Variants in PIK3IP1 observed in about 807,000 individuals in gnomAD.
PIK3IP1 encodes the protein phosphoinositide-3-kinase interacting protein 1, also known as phosphoinositide-3-kinase-interacting protein 1.
In PIK3IP1, 28 loss-of-function variants were observed where a neutral mutation model predicts 30.7. The observed-to-expected ratio is 0.91, with a 90% CI of 0.68 to 1.25. PIK3IP1 has a LOEUF of 1.25. PIK3IP1 is among the 50% of genes most tolerant of loss of function. PIK3IP1 has a pLI of 0.00. For synonymous variants in PIK3IP1, 159 were observed against 140.8 expected (o/e 1.13, Z -0.91); for missense variants, 333 against 346.2 (o/e 0.96, Z 0.30).
intron 1 of PIK3IP1, among the ~76,000 whole-genome samples, chr22:31,291,780 C>T (rs532187821): frequency 1.6e-5 from 2 of 124,832 alleles, no homozygotes; most frequent in Non-Finnish European, 3.3e-5. Flanking sequence ...TTCACGGATA[C>T]GGCCACCTTC....
chr22:31,287,946 C>T (rs141123221), intron 5 of PIK3IP1, among the ~76,000 whole-genome samples: 124 of 152,206 alleles, frequency 8.1e-4, no homozygotes, highest in Admixed American at 1.7e-3. Flanking sequence ...GCATACGGTA[C>T]ATGTTTGCTA....
rs548629028 is a variant in PIK3IP1 at position 31,290,730 on chromosome 22, C to T, written c.307+235G>A. Reference sequence around the variant, plus strand: ...CGCGGCGGAGAGACCTAGCCTCACCCCAGCCTCGCCCCGCGCAGTTGTTTA... The same window carrying T: ...CGCGGCGGAGAGACCTAGCCTCACCTCAGCCTCGCCCCGCGCAGTTGTTTA... On this transcript the variant is annotated intron_variant, in intron 3 of 5. Transcript: ENST00000215912. 45 of 551,720 alleles carry T rather than the reference C, an allele frequency of 8.2e-5. No individual in the cohort carries two copies. In the East Asian group the frequency reaches 1.6e-3, roughly 19 times the overall value. The allele number at this position is 551,720 out of a possible 1,614,324, so 34.2% of individuals were successfully genotyped here.
At chr22:31,290,683 C>T (rs1197242295) in intron 3 of PIK3IP1, 35 of 407,282 alleles carry the variant, frequency 8.6e-5, no homozygotes, top group Non-Finnish European at 1.3e-4. Context: ...CGCTGAGGGG[C>T]CAAAAGCCAC....
In PIK3IP1 at chr22:31,291,047, C is replaced by T; in HGVS notation, c.225G>A (p.Glu75=). The T allele has an allele frequency of 1.3e-6, 2 of 1,570,322 alleles. No individual in the cohort carries two copies. The highest frequency in any genetic ancestry group is 8.6e-7 in the Non-Finnish European group (1 of 1,156,702). ...CGTAGCACCAGGGCCCGCGCGGGTC[C>T]TCGTCCGGGTTTCGGCAGTAACTGT... ...GNHSYCRNPD[E]DPRGPWCYVS... The change falls in exon 3 of 6, where the codon GAG becomes GAA. Residue 75 remains glutamate, a synonymous_variant. Transcript: ENST00000215912.
In PIK3IP1 at chr22:31,283,163, A is replaced by G; in HGVS notation, c.713T>C (p.Val238Ala). 1 of 1,614,156 alleles carries G rather than the reference A, an allele frequency of 6.2e-7. No homozygotes were observed. The highest frequency in any genetic ancestry group is 8.5e-7 in the Non-Finnish European group (1 of 1,180,022). ...GTCAACTGGAGTCTGGCTGGTGTGG[A>G]CCACGACAGTCTTCTCATCCACAAT... ...CEIVDEKTVV[V>A]HTSQTPVDPQ... The change falls in exon 6 of 6, where the codon GTC (valine) becomes GCC (alanine). Residue 238 changes from valine (V) to alanine (A), a missense_variant. Transcript: ENST00000215912.
Position 31,289,518 on chromosome 22 carries a change from T to C in PIK3IP1, c.489A>G (p.Lys163=), listed in dbSNP as rs1186558505. 4 of 1,535,062 alleles carry C rather than the reference T, an allele frequency of 2.6e-6. No individual in the cohort carries two copies. Among genetic ancestry groups the C allele is most frequent in the South Asian group, 2.5e-5 (2 of 80,000 alleles). The change falls in exon 4 of 6, where the codon AAA becomes AAG. Residue 163 remains lysine, a synonymous_variant. Coordinates refer to ENST00000215912, the MANE Select transcript of PIK3IP1 (RefSeq NM_052880.5). The part of the protein sequence containing the change: ...SQRVRMNSKE[K]KDLGTLGYVL... Reference sequence around the variant, plus strand: ...TCATACCCAGAGTTCCCAGGTCCTTTTTCTCCTTGGAGTTCATCCGCACCC... The same window carrying C: ...TCATACCCAGAGTTCCCAGGTCCTTCTTCTCCTTGGAGTTCATCCGCACCC...
intron 5 of PIK3IP1, among the ~76,000 whole-genome samples, chr22:31,288,065 C>T (rs1427921318): frequency 1.3e-5 from 2 of 152,152 alleles, no homozygotes; most frequent in African/African-American, 2.4e-5. Flanking sequence ...GCTGTGGGCT[C>T]AGACATGGCC....
chr22:31,292,506 CT>C (rs1465530062), upstream of PIK3IP1: 2 of 613,816 alleles, frequency 3.3e-6, no homozygotes, highest in East Asian at 5.5e-5. Context: ...TCCCAGCTAG[CT>C]TGCTGCAGCG....
At position 31,283,231 on chromosome 22, in the gene PIK3IP1, T is replaced by G. The variant is rs145125391; in HGVS notation, c.645A>C (p.Arg215=). 7 of 1,614,094 alleles carry G rather than the reference T, an allele frequency of 4.3e-6. No individual in the cohort carries two copies. In the African/African-American group the frequency reaches 5.3e-5, roughly 12 times the overall value. Residue 215 remains arginine (R), a synonymous_variant, in exon 6 of 6, where the codon CGA becomes CGC. Transcript: ENST00000215912. ...TGAAGGCAGACAAGGGCAGAGTGAT[T>G]CGCTGCATCTCCCTCTCACATACTT... is the stretch of plus-strand genomic sequence containing the variant. ...DQKVCEREMQ[R]ITLPLSAFTN... is the part of the protein sequence containing the mutation.
chr22:31,283,327 T>C (rs1318746043), intron 5 of PIK3IP1, 39 bp from the exon 6 acceptor site: 1 of 1,589,180 alleles, frequency 6.3e-7, no homozygotes, highest in Non-Finnish European at 8.6e-7. Flanking sequence ...AGGCTATGCC[T>C]CCTGCATAGC....
At position 31,281,749 on chromosome 22, in the gene PIK3IP1, C is replaced by T. The variant is rs568720874; in HGVS notation, c.*1335G>A. On this transcript the variant is annotated 3_prime_UTR_variant, in exon 6 of 6. Coordinates refer to ENST00000215912, the MANE Select transcript of PIK3IP1 (RefSeq NM_052880.5). Reference sequence around the variant, plus strand: ...TTCTCTTCTCCAGCATCACTAACACCAAGAGACCACCTGAGGTCTAGGTCC... The same window carrying T: ...TTCTCTTCTCCAGCATCACTAACACTAAGAGACCACCTGAGGTCTAGGTCC... 19 of 152,726 alleles carry T rather than the reference C, an allele frequency of 1.2e-4. No homozygotes were observed. The highest frequency in any genetic ancestry group is 4.1e-4 in the African/African-American group (17 of 41,556). 9.5% of individuals were successfully genotyped at this position (152,726 alleles called of 1,614,324 possible).
chr22:31,287,922 T>C (rs185342019), intron 5 of PIK3IP1, among the ~76,000 whole-genome samples: 2 of 152,272 alleles, frequency 1.3e-5, no homozygotes, highest in East Asian at 3.9e-4. Context: ...AGCATGTGCT[T>C]CAAGCAGTGT....
chr22:31,291,198 C>T lies in PIK3IP1; in HGVS notation c.169G>A (p.Ala57Thr), dbSNP rs369493112. ...CACTTACCCGACACGGGGGCCGAGG[C>T]CAGCCCGCTCTGCGCGTCCAGCCAG... Reference protein sequence around the residue: ...LNWLDAQSGLASAPVSGAGNH... With the variant: ...LNWLDAQSGLTSAPVSGAGNH... The change falls in exon 2 of 6, where the codon GCC becomes ACC. Residue 57 changes from alanine (A) to threonine (T), a missense_variant. This residue lies in a region of PIK3IP1 where 111 missense variants were observed against 100.1 expected (regional missense o/e 1.11). Transcript: ENST00000215912. 1.3e-6 allele frequency: 2 copies of T among 1,548,572 alleles called. No individual in the cohort carries two copies. The highest frequency in any genetic ancestry group is 1.7e-6 in the Non-Finnish European group (2 of 1,146,176).
At chr22:31,286,212 A>C (rs1411938614) in intron 5 of PIK3IP1, among the ~76,000 whole-genome samples, 2 of 152,272 alleles carry the variant, frequency 1.3e-5, no homozygotes, top group East Asian at 3.9e-4. Context: ...TTATTAAGAA[A>C]GCATGAAATA....
In PIK3IP1 at chr22:31,281,599, CT is replaced by C. The variant is rs11301764; in HGVS notation, c.*1484del. ...CCTCAAAAACTTGGCAATGTGGAGT[CT>C]TTTTTTTTTTTTAATTAAGTCAAAT... On this transcript the variant is annotated 3_prime_UTR_variant, in exon 6 of 6. Transcript: ENST00000215912. The C allele has an allele frequency of 0.39, 58,223 of 147,476 alleles. 12,672 individuals are homozygous for C. The highest frequency in any genetic ancestry group is 0.57 in the Middle Eastern group (162 of 286). The allele number at this position is 147,476 out of a possible 1,614,324, so 9.1% of individuals were successfully genotyped here. A position where few individuals can be genotyped will look rare whatever the true frequency, so the allele number is the denominator to read the frequency against.
chr22:31,289,506 T>A lies in PIK3IP1; in HGVS notation c.501A>T (p.Gly167=), dbSNP rs770924872. The A allele has an allele frequency of 4.6e-6, 7 of 1,534,856 alleles. No homozygotes were observed. In the Admixed American group the frequency reaches 1.5e-4, roughly 32 times the overall value. ...GGTGGGGGACCGTCATACCCAGAGT[T>A]CCCAGGTCCTTTTTCTCCTTGGAGT... The part of the protein sequence containing the change: ...RMNSKEKKDL[G]TLGYVLGITM... Residue 167 remains glycine (G), a synonymous_variant, in exon 4 of 6, where the codon GGA becomes GGT. Coordinates refer to ENST00000215912, the MANE Select transcript of PIK3IP1 (RefSeq NM_052880.5).
chr22:31,285,938 C>T (rs1245402143), intron 5 of PIK3IP1, among the ~76,000 whole-genome samples: 1 of 151,990 alleles, frequency 6.6e-6, no homozygotes, highest in African/African-American at 2.4e-5. Context: ...TTTGGGAGGC[C>T]GAGGCGGGTG....
Position 31,289,551 on chromosome 22 carries a change from G to A in PIK3IP1, c.456C>T (p.Ile152=), listed in dbSNP as rs761041026. 5 of 1,556,684 alleles carry A rather than the reference G, an allele frequency of 3.2e-6. No homozygotes were observed. The highest frequency in any genetic ancestry group is 4.4e-6 in the Non-Finnish European group (5 of 1,148,240). Residue 152 remains isoleucine, a synonymous_variant, in exon 4 of 6, where the codon ATC becomes ATT. Transcript: ENST00000215912. The stretch of plus-strand genomic sequence containing the variant: ...TGGAGTTCATCCGCACCCGCTGGCT[G>A]ATCCCAATCACTGGCTGCACAGCTG... ...EAAAVQPVIG[I]SQRVRMNSKE...
Position 31,291,049 on chromosome 22 carries a change from C to G in PIK3IP1, c.223G>C (p.Glu75Gln). ...GNHSYCRNPDEDPRGPWCYVS... is the reference protein window; with the variant it reads ...GNHSYCRNPDQDPRGPWCYVS... ...TAGCACCAGGGCCCGCGCGGGTCCT[C>G]GTCCGGGTTTCGGCAGTAACTGTGA... The change falls in exon 3 of 6, where the codon GAG becomes CAG. Residue 75 changes from glutamate (E) to glutamine (Q), a missense_variant. By Grantham distance (29) the Glu-to-Gln change is conservative. Coordinates refer to ENST00000215912, the MANE Select transcript of PIK3IP1 (RefSeq NM_052880.5). 1 of 1,569,052 alleles carries G rather than the reference C, an allele frequency of 6.4e-7. No homozygotes were observed.
Sources: gnomAD v4.1 joint callset for allele counts (sites outside exome capture counted in the v4.1 genomes callset) on GRCh38, gnomAD v4.1.1 for gene constraint, gnomAD v4.1.1 regional missense constraint, MANE v1.5 for transcripts, NCBI Gene and HGNC (gene_info 2026-07-23, HGNC 2026-07-21) for gene names.